Variants in CAP2 observed in about 807,000 individuals in gnomAD.
CAP2 encodes cyclase associated actin cytoskeleton regulatory protein 2.
A neutral mutation model predicts 57.7 loss-of-function variants in CAP2; 24 were observed. The observed-to-expected ratio is 0.42, with a 90% CI of 0.30 to 0.58. The LOEUF (loss-of-function observed/expected upper bound fraction) is 0.58, where lower values mean the gene tolerates loss of function less well. CAP2 is among the 20% of genes least tolerant of loss of function. CAP2 has a pLI of 0.22. For missense variants in CAP2, 501 were observed against 590.3 expected (o/e 0.85, Z 1.57); for synonymous variants, 194 against 207.2 (o/e 0.94, Z 0.55).
At chr6:17,396,454 T>G (rs1758666898) in intron 1 of CAP2, among the ~76,000 whole-genome samples, 1 of 152,182 alleles carries the variant, frequency 6.6e-6, no homozygotes, top group Non-Finnish European at 1.5e-5. Flanking sequence ...TACAGCGAGA[T>G]ATTATTTGGC....
At chr6:17,464,456 A>G (rs9383287) in intron 4 of CAP2, among the ~76,000 whole-genome samples, 94,789 of 151,970 alleles carry the variant, frequency 0.62, 30,667 homozygotes, top group East Asian at 0.86. Flanking sequence ...AGGCAAGACC[A>G]GAGACCTGAG....
At chr6:17,541,504 C>T (rs1020590550) in intron 9 of CAP2, among the ~76,000 whole-genome samples, 3 of 151,822 alleles carry the variant, frequency 2.0e-5, no homozygotes, top group Non-Finnish European at 2.9e-5. Flanking sequence ...CACTTGAACC[C>T]GAGAGGTGGA....
At chr6:17,553,483 A>C (rs1381911783) in intron 12 of CAP2, among the ~76,000 whole-genome samples, 1 of 152,016 alleles carries the variant, frequency 6.6e-6, no homozygotes, top group Non-Finnish European at 1.5e-5. Context: ...AATACAAAAA[A>C]TTAGCTGGGC....
chr6:17,504,812 C>A (rs1761934632), intron 4 of CAP2, among the ~76,000 whole-genome samples: 1 of 152,136 alleles, frequency 6.6e-6, no homozygotes, highest in Non-Finnish European at 1.5e-5. Context: ...CTGATATTTT[C>A]TATTCTAATC....
At chr6:17,418,046 T>G (rs1759333696) in intron 1 of CAP2, among the ~76,000 whole-genome samples, 3 of 152,182 alleles carry the variant, frequency 2.0e-5, no homozygotes, top group Admixed American at 2.0e-4. Context: ...CTAAGGCGGA[T>G]GGGACTGCCT....
At chr6:17,438,549 C>T (rs1759971895) in intron 3 of CAP2, among the ~76,000 whole-genome samples, 1 of 138,230 alleles carries the variant, frequency 7.2e-6, no homozygotes, top group Middle Eastern at 3.6e-3. Flanking sequence ...TGCCATTCTC[C>T]TGTCTCAGCC....
intron 1 of CAP2, among the ~76,000 whole-genome samples, chr6:17,415,016 CT>C (rs1224512219): frequency 6.6e-6 from 1 of 152,150 alleles, no homozygotes; most frequent in East Asian, 1.9e-4. Flanking sequence ...TGATGTTGAG[CT>C]TTTTTCTTAT....
chr6:17,515,227 A>G (rs1762248605), intron 7 of CAP2, among the ~76,000 whole-genome samples: 1 of 152,038 alleles, frequency 6.6e-6, no homozygotes, highest in Non-Finnish European at 1.5e-5. Flanking sequence ...ATAGAAATTG[A>G]AGGGAACAAG....
intron 7 of CAP2, among the ~76,000 whole-genome samples, chr6:17,520,705 C>A (rs1387134267): frequency 6.6e-6 from 1 of 152,102 alleles, no homozygotes; most frequent in Non-Finnish European, 1.5e-5. Flanking sequence ...AGAGGGTATC[C>A]CGACTTATTA....
intron 4 of CAP2, among the ~76,000 whole-genome samples, chr6:17,505,556 C>T (rs1761958790): frequency 6.6e-6 from 1 of 152,170 alleles, no homozygotes; most frequent in Non-Finnish European, 1.5e-5. Context: ...AATATGTAGC[C>T]AAGGCTGGGA....
chr6:17,459,359 A>C, intron 3 of CAP2, among the ~76,000 whole-genome samples: 1 of 152,238 alleles, frequency 6.6e-6, no homozygotes, highest in Non-Finnish European at 1.5e-5. Flanking sequence ...TTTAGCCCCC[A>C]GATTCTGGCT....
intron 1 of CAP2, among the ~76,000 whole-genome samples, chr6:17,395,047 G>C (rs1010998135): frequency 2.0e-5 from 3 of 152,154 alleles, no homozygotes; most frequent in Non-Finnish European, 4.4e-5. Flanking sequence ...TACAATCAAA[G>C]TGTCATATAA....
intron 4 of CAP2, among the ~76,000 whole-genome samples, chr6:17,503,604 C>CA (rs763364878): frequency 0.077 from 5,601 of 73,024 alleles, 175 homozygotes; most frequent in African/African-American, 0.11. Flanking sequence ...AACTCTATCT[C>CA]AAAAAAAAAA....
chr6:17,439,015 G>A (rs1368103153), intron 3 of CAP2, among the ~76,000 whole-genome samples: 1 of 150,624 alleles, frequency 6.6e-6, no homozygotes, highest in African/African-American at 2.5e-5. Flanking sequence ...GGAGGCTGGG[G>A]CAGGAGAATC....
intron 7 of CAP2, among the ~76,000 whole-genome samples, chr6:17,516,662 G>T (rs888345440): frequency 1.3e-5 from 2 of 152,190 alleles, no homozygotes; most frequent in Non-Finnish European, 2.9e-5. Flanking sequence ...CAGCTTCTTT[G>T]TGAATTCCAT....
At chr6:17,422,608 C>T (rs1331615650) in intron 2 of CAP2, among the ~76,000 whole-genome samples, 3 of 152,224 alleles carry the variant, frequency 2.0e-5, no homozygotes, top group Non-Finnish European at 4.4e-5. Flanking sequence ...CTCGTCCTCC[C>T]AAAGTGCTGG....
intron 11 of CAP2, among the ~76,000 whole-genome samples, chr6:17,550,593 G>A (rs1266696321): frequency 1.3e-5 from 2 of 151,878 alleles, no homozygotes; most frequent in African/African-American, 2.4e-5. Flanking sequence ...GGTGAAAGAA[G>A]AGATGTCTTT....
chr6:17,461,943 A>G (rs1490898781), intron 3 of CAP2, among the ~76,000 whole-genome samples: 5 of 134,256 alleles, frequency 3.7e-5, no homozygotes, highest in Admixed American at 8.3e-5. Flanking sequence ...CAGTGAGCTG[A>G]GATCGCACCA....
At chr6:17,489,780 G>A (rs1470199403) in intron 4 of CAP2, among the ~76,000 whole-genome samples, 5 of 151,808 alleles carry the variant, frequency 3.3e-5, no homozygotes, top group Non-Finnish European at 7.4e-5. Flanking sequence ...TCTGGAGCTG[G>A]GAAAACTGTA....
Sources: allele counts gnomAD v4.1 joint callset (sites outside exome capture counted in the v4.1 genomes callset), GRCh38; gene constraint gnomAD v4.1.1; transcripts MANE v1.5; gene names NCBI Gene and HGNC (gene_info 2026-07-23, HGNC 2026-07-21).